The following ROBO1 variants were observed in gnomAD, a reference collection of about 807,000 sequenced individuals.
The protein encoded by ROBO1 is roundabout homolog 1.
In ROBO1, 149 loss-of-function variants were observed where a neutral mutation model predicts 195.9. The observed-to-expected ratio is 0.76, with a 90% CI of 0.67 to 0.87. The LOEUF is 0.87. Among genes scored for constraint, ROBO1 ranks in the 40% least tolerant of loss-of-function variants. ROBO1 has a pLI of 0.00. For synonymous variants in ROBO1, 816 were observed against 733.2 expected, an observed-to-expected ratio of 1.11 and a Z score of -1.82; for missense variants, 1,933 against 2,068.3, an observed-to-expected ratio of 0.93 and a Z score of 1.27.
intron 2 of ROBO1, among the ~76,000 whole-genome samples, chr3:79,289,476 G>A (rs986640065): frequency 1.7e-4 from 26 of 152,134 alleles, no homozygotes; most frequent in African/African-American, 6.3e-4. Flanking sequence ...ACCAATGGAT[G>A]TCTCTTTATT....
intron 4 of ROBO1, among the ~76,000 whole-genome samples, chr3:78,845,781 G>A (rs942847481): frequency 7.9e-5 from 12 of 152,132 alleles, no homozygotes; most frequent in Non-Finnish European, 8.8e-5. Flanking sequence ...ACAAGCAGTT[G>A]CTCTGGAAAA....
At chr3:78,750,128 AT>A (rs2082752037) in intron 4 of ROBO1, among the ~76,000 whole-genome samples, 3 of 152,130 alleles carry the variant, frequency 2.0e-5, no homozygotes, top group Non-Finnish European at 4.4e-5. Flanking sequence ...TTCATTAAAT[AT>A]TTGAATCCTA....
At chr3:78,705,973 G>C (rs781242408) in intron 8 of ROBO1, among the ~76,000 whole-genome samples, 48 of 152,034 alleles carry the variant, frequency 3.2e-4, no homozygotes, top group Admixed American at 1.0e-3. Flanking sequence ...TGTTTCTCTG[G>C]AGGACCCTAA....
intron 1 of ROBO1, among the ~76,000 whole-genome samples, chr3:79,759,801 T>C (rs981549794): frequency 3.3e-5 from 5 of 152,122 alleles, no homozygotes; most frequent in African/African-American, 1.2e-4. Flanking sequence ...GTGTCTCACA[T>C]GAGGACAGAT....
At chr3:79,575,413 CAAATATATATAT>C (rs1265610908) in intron 2 of ROBO1, among the ~76,000 whole-genome samples, 1 of 107,454 alleles carries the variant, frequency 9.3e-6, no homozygotes, top group Non-Finnish European at 1.8e-5. Flanking sequence ...ATATAGATAA[CAAATATATATAT>C]AAATATATAT....
chr3:79,053,530 C>T (rs761547136), intron 3 of ROBO1, among the ~76,000 whole-genome samples: 2 of 151,980 alleles, frequency 1.3e-5, no homozygotes, highest in Non-Finnish European at 2.9e-5. Context: ...GGCCCTCCCC[C>T]ATCCACTTCA....
intron 2 of ROBO1, among the ~76,000 whole-genome samples, chr3:79,574,262 T>C (rs1383145204): frequency 6.6e-6 from 1 of 152,042 alleles, no homozygotes; most frequent in Non-Finnish European, 1.5e-5. Context: ...TCTGGTTCCA[T>C]TGCTTCTAAT....
chr3:78,633,474 T>G (rs1034319929), intron 24 of ROBO1, among the ~76,000 whole-genome samples: 4 of 152,132 alleles, frequency 2.6e-5, no homozygotes, highest in Non-Finnish European at 4.4e-5. Context: ...GATGATAAAC[T>G]GAGACAGGCT....
chr3:79,479,293 GA>G (rs1476299243), intron 2 of ROBO1, among the ~76,000 whole-genome samples: 2 of 152,170 alleles, frequency 1.3e-5, no homozygotes, highest in African/African-American at 4.8e-5. Flanking sequence ...TTCCACCTCA[GA>G]TTATCAGGCA....
At chr3:78,679,946 A>C (rs970543987) in intron 10 of ROBO1, among the ~76,000 whole-genome samples, 18 of 152,310 alleles carry the variant, frequency 1.2e-4, no homozygotes, top group Admixed American at 9.8e-4. Context: ...ACAAGGCTAC[A>C]GTAACCAAAA....
At chr3:79,271,060 A>C (rs1013690205) in intron 2 of ROBO1, among the ~76,000 whole-genome samples, 1 of 150,584 alleles carries the variant, frequency 6.6e-6, no homozygotes, top group Non-Finnish European at 1.5e-5. Flanking sequence ...TATTATTATC[A>C]TGTCATAGCC....
chr3:79,337,719 A>G (rs997216349), intron 2 of ROBO1, among the ~76,000 whole-genome samples: 2 of 152,218 alleles, frequency 1.3e-5, no homozygotes, highest in Non-Finnish European at 1.5e-5. Flanking sequence ...TTATTTAAAC[A>G]AATTAAATAT....
chr3:78,638,039 A>G (rs1705639714), intron 22 of ROBO1, among the ~76,000 whole-genome samples: 1 of 151,498 alleles, frequency 6.6e-6, no homozygotes, highest in Non-Finnish European at 1.5e-5. Flanking sequence ...ATTCCTTTAA[A>G]TCTTGCAGAC....
At chr3:79,655,093 T>C (rs1298480687) in intron 1 of ROBO1, among the ~76,000 whole-genome samples, 2 of 152,064 alleles carry the variant, frequency 1.3e-5, no homozygotes, top group African/African-American at 4.8e-5. Flanking sequence ...TTTTCCTACA[T>C]AATTAGTTCC....
chr3:78,977,243 T>C lies in ROBO1; in HGVS notation c.173-38316A>G, dbSNP rs141533740. On this transcript the variant is annotated intron_variant, in intron 3 of 30. Transcript: ENST00000464233. The stretch of plus-strand genomic sequence containing the variant: ...AACCTCAATTCCCACAGTTTTCCTC[T>C]AATTTAGAAAAATCAGATTACTCAC... Among the ~76,000 whole-genome samples, 47 of 152,284 alleles carry C rather than the reference T, an allele frequency of 3.1e-4. No homozygotes were observed. The Middle Eastern group carries it at 0.014, about 44-fold the overall frequency.
chr3:79,707,324 C>A (rs950328204), intron 1 of ROBO1, among the ~76,000 whole-genome samples: 1 of 152,072 alleles, frequency 6.6e-6, no homozygotes, highest in African/African-American at 2.4e-5. Context: ...TTTTAATCTC[C>A]ACAGGACCCA....
intron 2 of ROBO1, among the ~76,000 whole-genome samples, chr3:79,332,250 A>G (rs2034478794): frequency 6.6e-6 from 1 of 152,056 alleles, no homozygotes; most frequent in African/African-American, 2.4e-5. Flanking sequence ...TAACATATTT[A>G]AAAACACAAG....
intron 3 of ROBO1, among the ~76,000 whole-genome samples, chr3:78,972,114 A>C (rs1365892312): frequency 6.6e-6 from 1 of 152,198 alleles, no homozygotes; most frequent in Non-Finnish European, 1.5e-5. Flanking sequence ...ATTCCTTATA[A>C]ATAGTCATAA....
chr3:79,600,171 A>C (rs1944298568), intron 1 of ROBO1, among the ~76,000 whole-genome samples: 1 of 152,048 alleles, frequency 6.6e-6, no homozygotes, highest in African/African-American at 2.4e-5. Context: ...ATGTCTGGTC[A>C]TCCTAGCTAA....
Sources: allele counts gnomAD v4.1 joint callset (sites outside exome capture counted in the v4.1 genomes callset), GRCh38; gene constraint gnomAD v4.1.1; transcripts MANE v1.5; gene names NCBI Gene and HGNC (gene_info 2026-07-23, HGNC 2026-07-21).